GTF2I: variants seen among roughly 807,000 people sequenced by gnomAD.
The protein encoded by GTF2I is general transcription factor IIi, also known as general transcription factor II-I.
A neutral mutation model predicts 67.6 loss-of-function variants in GTF2I; 12 were observed. The ratio of observed to expected loss-of-function variants is 0.18; its 90% confidence interval spans 0.11 to 0.29. The LOEUF (loss-of-function observed/expected upper bound fraction) is 0.29. Among genes scored for constraint, GTF2I ranks in the 10% least tolerant of loss-of-function variants. GTF2I has a pLI of 1.00. For synonymous variants in GTF2I, 149 were observed against 197.0 expected, an observed-to-expected ratio of 0.76 and a Z score of 2.04; for missense variants, 271 against 580.1, an observed-to-expected ratio of 0.47 and a Z score of 5.47.
intron 12 of GTF2I, among the ~76,000 whole-genome samples, chr7:74,722,319 T>C (rs1793120508): frequency 6.6e-6 from 1 of 152,178 alleles, no homozygotes; most frequent in African/African-American, 2.4e-5. Flanking sequence ...AAATCGGCCT[T>C]GGACTAATAG....
At chr7:74,699,880 C>A in intron 4 of GTF2I, 1 of 190,328 alleles carries the variant, frequency 5.3e-6, no homozygotes, top group Admixed American at 5.4e-5. Flanking sequence ...CAAAACATTC[C>A]TGGTATTTTA....
intron 1 of GTF2I, among the ~76,000 whole-genome samples, chr7:74,676,107 A>G (rs782162273): frequency 6.6e-6 from 1 of 152,098 alleles, no homozygotes; most frequent in African/African-American, 2.4e-5. Flanking sequence ...ATTCTTAGCA[A>G]TTCTGTGATC....
intron 1 of GTF2I, among the ~76,000 whole-genome samples, chr7:74,672,673 A>C (rs1805561618): frequency 6.6e-6 from 1 of 152,212 alleles, no homozygotes. Context: ...CATTATAAGC[A>C]AGGCATACAG....
intron 1 of GTF2I, among the ~76,000 whole-genome samples, chr7:74,685,314 G>A (rs1259289430): frequency 2.6e-5 from 4 of 152,166 alleles, no homozygotes; most frequent in Non-Finnish European, 1.5e-5. Flanking sequence ...TGACCAATAT[G>A]GTGAAACCCC....
At chr7:74,662,119 A>G (rs1350571417) in intron 1 of GTF2I, among the ~76,000 whole-genome samples, 1 of 151,330 alleles carries the variant, frequency 6.6e-6, no homozygotes, top group Admixed American at 6.6e-5. Flanking sequence ...AGAGACTGAC[A>G]TTAAAATGTA....
chr7:74,705,763 C>T (rs782108862), intron 7 of GTF2I, among the ~76,000 whole-genome samples: 2 of 152,046 alleles, frequency 1.3e-5, no homozygotes, highest in Non-Finnish European at 2.9e-5. Flanking sequence ...GGGGTTTCAC[C>T]GTGTTGGCCA....
intron 1 of GTF2I, among the ~76,000 whole-genome samples, chr7:74,666,524 C>CTTTCTTCGTTTT (rs1319315115): frequency 3.7e-5 from 2 of 54,588 alleles, no homozygotes; most frequent in South Asian, 1.2e-3. Context: ...TCTTCGTTTT[C>CTTTCTTCGTTTT]CCCCCCGGTA....
intron 1 of GTF2I, among the ~76,000 whole-genome samples, chr7:74,667,229 G>A (rs1031658286): frequency 2.0e-5 from 3 of 152,144 alleles, no homozygotes; most frequent in Admixed American, 2.0e-4. Context: ...TGTAATGCCA[G>A]CTGCTTGAGT....
At chr7:74,685,742 C>A (rs1478183921) in intron 1 of GTF2I, among the ~76,000 whole-genome samples, 2 of 150,162 alleles carry the variant, frequency 1.3e-5, no homozygotes, top group African/African-American at 2.5e-5. Context: ...ACTCCAGCCT[C>A]GGCGATAGAG....
intron 7 of GTF2I, 82 bp from the exon 8 acceptor site, chr7:74,706,308 C>T: frequency 8.4e-7 from 1 of 1,192,392 alleles, no homozygotes; most frequent in Non-Finnish European, 1.2e-6. Flanking sequence ...GATCTTAACA[C>T]TTTGAGACCC....
chr7:74,749,910 A>AAAG (rs1280441743), intron 26 of GTF2I, among the ~76,000 whole-genome samples: 203 of 149,542 alleles, frequency 1.4e-3, no homozygotes, highest in African/African-American at 4.8e-3. Flanking sequence ...AAAAAAAAAA[A>AAAG]AAGAAGAAGA....
At chr7:74,713,178 A>C (rs1021953148) in intron 9 of GTF2I, among the ~76,000 whole-genome samples, 17 of 152,160 alleles carry the variant, frequency 1.1e-4, no homozygotes, top group African/African-American at 3.9e-4. Context: ...TACCAACTAA[A>C]AAAAATATAG....
intron 1 of GTF2I, among the ~76,000 whole-genome samples, chr7:74,677,165 A>G (rs1196173289): frequency 1.3e-5 from 2 of 152,210 alleles, no homozygotes; most frequent in Non-Finnish European, 2.9e-5. Context: ...ATTACATGAT[A>G]ATCTAAACTA....
At position 74,670,707 on chromosome 7, in the gene GTF2I, A is replaced by C. The variant is rs587770629; in HGVS notation, c.-6+12639A>C. On this transcript the variant is annotated intron_variant, in intron 1 of 34. Transcript: ENST00000573035. ...TCTTTCTCAAAAAAAAACAAAAAAA[A>C]AACAAAAAAAAAAAACACCTCAAGA... Among the ~76,000 whole-genome samples the C allele has an allele frequency of 1.5e-4, 23 of 151,486 alleles. No homozygotes were observed. The East Asian group carries it at 2.1e-3, about 14-fold the overall frequency.
At chr7:74,684,950 GC>G (rs1787572293) in intron 1 of GTF2I, 1 of 152,238 alleles carries the variant, frequency 6.6e-6, no homozygotes, top group Admixed American at 6.5e-5. Context: ...GGGCTGAAGA[GC>G]CCCTTTACAG....
At chr7:74,701,629 G>A (rs1584193910) in intron 6 of GTF2I, among the ~76,000 whole-genome samples, 1 of 152,062 alleles carries the variant, frequency 6.6e-6, no homozygotes, top group African/African-American at 2.4e-5. Context: ...TGCCACGCCC[G>A]GCTAATTTTT....
chr7:74,717,142 A>C (rs1792362850), intron 11 of GTF2I, 192 bp downstream of exon 11: 1 of 611,288 alleles, frequency 1.6e-6, no homozygotes. Context: ...ATACTGATTA[A>C]TAAAGCCTAT....
intron 4 of GTF2I, chr7:74,699,815 A>G (rs1223088888): frequency 5.7e-6 from 1 of 175,848 alleles, no homozygotes; most frequent in Non-Finnish European, 1.2e-5. Context: ...GTATATACTC[A>G]TTTGTAAATG....
At chr7:74,692,070 C>T (rs1194817144) in intron 3 of GTF2I, among the ~76,000 whole-genome samples, 1 of 146,556 alleles carries the variant, frequency 6.8e-6, no homozygotes, top group Admixed American at 6.8e-5. Context: ...AGCCACCACT[C>T]TCGGCTTTTT....
Sources: allele counts gnomAD v4.1 joint callset (sites outside exome capture counted in the v4.1 genomes callset), GRCh38; gene constraint gnomAD v4.1.1; transcripts MANE v1.5; gene names NCBI Gene and HGNC (gene_info 2026-07-23, HGNC 2026-07-21).